Variants in OAS1 observed in about 807,000 individuals in gnomAD.
OAS1 encodes the protein 2'-5'-oligoadenylate synthetase 1.
OAS1 carries 24 observed loss-of-function variants against 38.5 expected under a neutral mutation model. The observed-to-expected ratio is 0.62, with a 90% confidence interval of 0.45 to 0.88. The LOEUF is 0.88. OAS1 is among the 40% of genes least tolerant of loss of function. OAS1 has a pLI of 0.00. For missense variants in OAS1, 482 were observed against 493.9 expected (o/e 0.98, Z 0.23); for synonymous variants, 169 against 193.9 (o/e 0.87, Z 1.07).
Position 112,917,626 on chromosome 12 carries a change from G to C in OAS1, c.964G>C (p.Glu322Gln), listed in dbSNP as rs1273593750. The stretch of plus-strand genomic sequence containing the variant: ...AAAGGGTTGGAGGCAGCTGGCACAA[G>C]AGGCTGAGGCCTGGCTGAATTACCC... Reference protein sequence around the residue: ...DPKGWRQLAQEAEAWLNYPCF... With the variant: ...DPKGWRQLAQQAEAWLNYPCF... Residue 322 changes from glutamate to glutamine, a missense_variant, in exon 5 of 6, where the codon GAG becomes CAG. Glu to Gln is a conservative substitution (Grantham distance 29, BLOSUM62 2). Transcript: ENST00000202917. 3 of 1,614,224 alleles carry C rather than the reference G, an allele frequency of 1.9e-6. No homozygotes were observed. The highest frequency in any genetic ancestry group is 2.5e-6 in the Non-Finnish European group (3 of 1,180,048).
intron 3 of OAS1, among the ~76,000 whole-genome samples, chr12:112,912,731 A>T (rs2043403371): frequency 6.6e-6 from 1 of 152,250 alleles, no homozygotes. Flanking sequence ...TAGTTATTGT[A>T]CAATGATCAA....
At chr12:112,922,533 G>A (rs572906994), downstream of OAS1, among the ~76,000 whole-genome samples, 78 of 152,164 alleles carry the variant, frequency 5.1e-4, no homozygotes, top group African/African-American at 1.7e-3. Context: ...GGCTTCTATT[G>A]CTCTGGGAGT....
At chr12:112,907,322 A>G in intron 1 of OAS1, 103 bp downstream of exon 1, 1 of 1,206,462 alleles carries the variant, frequency 8.3e-7, no homozygotes, top group Non-Finnish European at 1.2e-6. Context: ...CCTAGAACCC[A>G]GGGTGCAAAT....
At chr12:112,910,261 G>A (rs545020198) in intron 2 of OAS1, among the ~76,000 whole-genome samples, 16 of 152,104 alleles carry the variant, frequency 1.1e-4, no homozygotes, top group African/African-American at 3.6e-4. Context: ...ACAGCTACTC[G>A]GGAGGCTGAG....
intron 6 of OAS1, among the ~76,000 whole-genome samples, chr12:112,930,653 G>A (rs2043591739): frequency 6.6e-6 from 1 of 152,186 alleles, no homozygotes; most frequent in Non-Finnish European, 1.5e-5. Context: ...GTCCCCTTTG[G>A]TCCCTGCCAA....
At chr12:112,919,289 G>A (rs1348417068) in intron 5 of OAS1, 100 bp from the exon 6 acceptor site, 2 of 1,107,588 alleles carry the variant, frequency 1.8e-6, no homozygotes, top group Non-Finnish European at 2.6e-6. Context: ...CTCAAAGGGG[G>A]ATCCAGATGG....
At position 112,911,214 on chromosome 12, in the gene OAS1, A is replaced by C; in HGVS notation, c.633A>C (p.Leu211=). Residue 211 remains leucine (L), a synonymous_variant, in exon 3 of 6, where the codon CTA becomes CTC. Transcript: ENST00000202917. The stretch of plus-strand genomic sequence containing the variant: ...CCAAGCTCAAGAGCCTCATCCGCCT[A>C]GTCAAGCACTGGTACCAAAATGTAT... ...RPTKLKSLIR[L]VKHWYQNCKK... 4 of 1,610,442 alleles carry C rather than the reference A, an allele frequency of 2.5e-6. No individual in the cohort carries two copies. The highest frequency in any genetic ancestry group is 3.4e-6 in the Non-Finnish European group (4 of 1,178,022).
chr12:112,930,223 C>G (rs1462039659), intron 6 of OAS1, among the ~76,000 whole-genome samples: 1 of 152,154 alleles, frequency 6.6e-6, no homozygotes, highest in Non-Finnish European at 1.5e-5. Flanking sequence ...GAGGCCTCCC[C>G]AGAAGCCAAG....
chr12:112,916,485 T>C (rs1298955290), intron 3 of OAS1, 24 bp from the exon 4 acceptor site: 16 of 1,601,194 alleles, frequency 1.0e-5, no homozygotes, highest in Non-Finnish European at 1.4e-5. Context: ...CCAATTTTTT[T>C]CTGATTGTTT....
chr12:112,914,628 A>G (rs1006479510), intron 3 of OAS1, among the ~76,000 whole-genome samples: 4 of 151,440 alleles, frequency 2.6e-5, no homozygotes, highest in Non-Finnish European at 4.4e-5. Context: ...TTTTATTATG[A>G]CCATTCTTGC....
downstream of OAS1, among the ~76,000 whole-genome samples, chr12:112,923,581 G>A (rs2043542970): frequency 6.6e-6 from 1 of 152,168 alleles, no homozygotes; most frequent in Non-Finnish European, 1.5e-5. Flanking sequence ...TTGCTAGTGA[G>A]TGGTAGGAGT....
At chr12:112,907,827 A>C (rs1209645140) in intron 1 of OAS1, 1 of 152,486 alleles carries the variant, frequency 6.6e-6, no homozygotes, top group Non-Finnish European at 1.5e-5. Flanking sequence ...TAAGCAAAAG[A>C]AGAAAGCTGT....
chr12:112,917,518 C>A lies in OAS1; in HGVS notation c.885-29C>A, dbSNP rs775265015. The A allele has an allele frequency of 3.1e-6, 5 of 1,613,274 alleles. No homozygotes were observed. The East Asian group carries it at 6.7e-5, about 22-fold the overall frequency. On this transcript the variant is annotated intron_variant, in intron 4 of 5. Coordinates refer to ENST00000202917, the MANE Select transcript of OAS1 (RefSeq NM_016816.4). ...CCCTAGACAGAGCCCCAGCTTCTCACCTGTCCCTCTCTAAATGCTGCTCTG... is the reference window on the plus strand; with the variant it reads ...CCCTAGACAGAGCCCCAGCTTCTCAACTGTCCCTCTCTAAATGCTGCTCTG...
At chr12:112,918,591 T>A (rs1484700612) in intron 5 of OAS1, 2 of 451,186 alleles carry the variant, frequency 4.4e-6, no homozygotes, top group Admixed American at 2.4e-5. Flanking sequence ...CATTCCCATC[T>A]TACAGATGAG....
Position 112,908,677 on chromosome 12 carries a change from G to C in OAS1, c.322G>C (p.Ala108Pro), listed in dbSNP as rs779778631. ...CCAGGAAATTAGGAGACAGCTGGAA[G>C]CCTGTCAAAGAGAGAGAGCATTTTC... ...FIQEIRRQLE[A>P]CQRERAFSVK... The change falls in exon 2 of 6, where the codon GCC (alanine) becomes CCC (proline). Residue 108 changes from alanine (A) to proline (P), a missense_variant. Coordinates refer to ENST00000202917, the MANE Select transcript of OAS1 (RefSeq NM_016816.4). 6.2e-7 allele frequency: 1 copy of C among 1,614,112 alleles called. No homozygotes were observed. The highest frequency in any genetic ancestry group is 1.3e-5 in the African/African-American group (1 of 74,940).
chr12:112,931,735 G>A (rs1324460644), intron 6 of OAS1: 15 of 521,988 alleles, frequency 2.9e-5, no homozygotes, highest in South Asian at 2.3e-4. Flanking sequence ...GCCTGGGACT[G>A]CACAGCAAAT....
At position 112,919,883 on chromosome 12, in the gene OAS1, A is replaced by G. The variant is rs113325329; in HGVS notation, c.*330A>G. On this transcript the variant is annotated 3_prime_UTR_variant, in exon 6 of 6. Coordinates refer to ENST00000202917, the MANE Select transcript of OAS1 (RefSeq NM_016816.4). ...AATGTCTAATGTATTATCAATAACA[A>G]TAAAAATAAAGCAAATACCATTTAT... The G allele has an allele frequency of 6.3e-4, 477 of 756,702 alleles. 2 individuals carry two copies. In the African/African-American group the frequency reaches 7.7e-3, roughly 12 times the overall value. The allele number at this position is 756,702 out of a possible 1,614,324, so 46.9% of individuals were successfully genotyped here.
intron 3 of OAS1, among the ~76,000 whole-genome samples, chr12:112,911,612 T>C (rs1004439847): frequency 4.6e-5 from 7 of 152,156 alleles, no homozygotes; most frequent in Non-Finnish European, 7.4e-5. Context: ...GTGGATAAGT[T>C]AAAACAAGAG....
At chr12:112,914,855 G>A (rs1159550323) in intron 3 of OAS1, among the ~76,000 whole-genome samples, 1 of 149,590 alleles carries the variant, frequency 6.7e-6, no homozygotes, top group Admixed American at 6.7e-5. Context: ...CCGTCATTTA[G>A]CATTAGGTAT....
Sources: gnomAD v4.1 joint callset for allele counts (sites outside exome capture counted in the v4.1 genomes callset) on GRCh38, gnomAD v4.1.1 for gene constraint, MANE v1.5 for transcripts, NCBI Gene and HGNC (gene_info 2026-07-23, HGNC 2026-07-21) for gene names.